SNTG1: variants seen among roughly 807,000 people sequenced by gnomAD.
SNTG1 encodes gamma-1-syntrophin.
A neutral mutation model predicts 74.7 loss-of-function variants in SNTG1; 39 were observed. The observed-to-expected ratio is 0.52, with a 90% CI of 0.40 to 0.68. SNTG1 has a LOEUF of 0.68. Among genes scored for constraint, SNTG1 ranks in the 30% least tolerant of loss-of-function variants. SNTG1 has a pLI of 0.00. For synonymous variants in SNTG1, 254 were observed against 217.1 expected (o/e 1.17, Z -1.49); for missense variants, 685 against 609.5 (o/e 1.12, Z -1.30).
chr8:50,104,491 G>A (rs373214511), intron 1 of SNTG1, among the ~76,000 whole-genome samples: 1 of 151,790 alleles, frequency 6.6e-6, no homozygotes, highest in African/African-American at 2.4e-5. Flanking sequence ...TATCAATTTT[G>A]TTGATCCTTT....
chr8:50,110,812 A>G (rs538157178), intron 1 of SNTG1, among the ~76,000 whole-genome samples: 1 of 152,062 alleles, frequency 6.6e-6, no homozygotes, highest in East Asian at 1.9e-4. Flanking sequence ...TCCAATTAAA[A>G]TTTTATGTAC....
At chr8:50,108,147 A>T (rs1404434475) in intron 1 of SNTG1, among the ~76,000 whole-genome samples, 2 of 152,174 alleles carry the variant, frequency 1.3e-5, no homozygotes, top group African/African-American at 4.8e-5. Context: ...CTCTCTTTAA[A>T]TAATTAGGCC....
chr8:49,967,347 T>C (rs925952963), intron 1 of SNTG1, among the ~76,000 whole-genome samples: 1 of 152,204 alleles, frequency 6.6e-6, no homozygotes, highest in Admixed American at 6.5e-5. Context: ...TTGTCACATG[T>C]GACACAGCCA....
chr8:50,322,662 A>T lies in SNTG1; in HGVS notation c.-27-71550A>T, dbSNP rs73579264. Among the ~76,000 whole-genome samples, 134 of 151,678 alleles carry T rather than the reference A, an allele frequency of 8.8e-4. 1 individual carries two copies. Among genetic ancestry groups the T allele is most frequent in the African/African-American group, 3.1e-3 (129 of 41,338 alleles). ...TTCTACTCCCTCCTTAATGGCAGTA[A>T]CTCTTAGACTTGCCCTTTTGGGGTT... On this transcript the variant is annotated intron_variant, in intron 2 of 18. Transcript: ENST00000642720.
At chr8:50,577,879 A>C (rs1563601614) in intron 12 of SNTG1, among the ~76,000 whole-genome samples, 1 of 152,238 alleles carries the variant, frequency 6.6e-6, no homozygotes, top group Non-Finnish European at 1.5e-5. Context: ...TAGTAAAAGA[A>C]GAATTAAGAA....
chr8:50,683,558 C>T (rs1409733439), intron 15 of SNTG1, among the ~76,000 whole-genome samples: 1 of 152,142 alleles, frequency 6.6e-6, no homozygotes, highest in Non-Finnish European at 1.5e-5. Context: ...GATACCATTT[C>T]CCACAAAGAT....
intron 1 of SNTG1, among the ~76,000 whole-genome samples, chr8:49,967,307 G>C (rs1028251235): frequency 8.5e-5 from 13 of 152,182 alleles, no homozygotes; most frequent in Admixed American, 7.2e-4. Context: ...TGTTCTCAGG[G>C]AGCTTACAGT....
chr8:50,733,403 T>C (rs1195110440), intron 17 of SNTG1, among the ~76,000 whole-genome samples: 1 of 152,090 alleles, frequency 6.6e-6, no homozygotes, highest in Non-Finnish European at 1.5e-5. Context: ...TGAATGAATG[T>C]ATCTTTTTGA....
At chr8:50,464,949 T>C (rs1221244146) in intron 8 of SNTG1, among the ~76,000 whole-genome samples, 31 of 80,484 alleles carry the variant, frequency 3.9e-4, no homozygotes, top group Non-Finnish European at 9.6e-4. Context: ...GTACATGCTG[T>C]TGGAAAAAAA....
At chr8:50,088,790 T>C (rs1361650880) in intron 1 of SNTG1, among the ~76,000 whole-genome samples, 2 of 148,774 alleles carry the variant, frequency 1.3e-5, no homozygotes, top group Non-Finnish European at 1.5e-5. Flanking sequence ...TCCATGCTCA[T>C]GGGTAGGAAG....
At chr8:50,173,944 G>A (rs2082899773) in intron 2 of SNTG1, among the ~76,000 whole-genome samples, 1 of 152,110 alleles carries the variant, frequency 6.6e-6, no homozygotes, top group South Asian at 2.1e-4. Flanking sequence ...TAGGTTTTAA[G>A]CCCTGCATGC....
chr8:50,212,260 T>C (rs1434957091), intron 2 of SNTG1, among the ~76,000 whole-genome samples: 3 of 152,188 alleles, frequency 2.0e-5, no homozygotes, highest in African/African-American at 7.2e-5. Flanking sequence ...TTCTTTCCTG[T>C]GTTCATCCAG....
chr8:49,932,823 T>C (rs1807718891), intron 1 of SNTG1, among the ~76,000 whole-genome samples: 1 of 152,156 alleles, frequency 6.6e-6, no homozygotes, highest in Non-Finnish European at 1.5e-5. Flanking sequence ...TTTCCATCCC[T>C]ATGGACTTTC....
intron 18 of SNTG1, among the ~76,000 whole-genome samples, chr8:50,754,735 T>A (rs2095576036): frequency 6.6e-6 from 1 of 151,858 alleles, no homozygotes; most frequent in Non-Finnish European, 1.5e-5. Context: ...CATTTTTAAT[T>A]TTTTTGAGAT....
chr8:50,206,736 TCC>T (rs1315653643), intron 2 of SNTG1, among the ~76,000 whole-genome samples: 1 of 152,168 alleles, frequency 6.6e-6, no homozygotes, highest in Non-Finnish European at 1.5e-5. Context: ...TTGAAATATG[TCC>T]CATCAATACC....
intron 1 of SNTG1, among the ~76,000 whole-genome samples, chr8:50,104,402 C>G (rs370053208): frequency 3.3e-5 from 5 of 151,978 alleles, no homozygotes; most frequent in African/African-American, 1.2e-4. Context: ...GGGATCGGTG[C>G]TGATATCCCC....
intron 2 of SNTG1, among the ~76,000 whole-genome samples, chr8:50,320,085 G>T (rs531873633): frequency 6.6e-6 from 1 of 152,284 alleles, no homozygotes; most frequent in African/African-American, 2.4e-5. Flanking sequence ...AGTAGGATTG[G>T]TGTTAGTCGT....
intron 8 of SNTG1, among the ~76,000 whole-genome samples, chr8:50,501,673 G>T (rs570400202): frequency 1.3e-5 from 2 of 150,492 alleles, no homozygotes; most frequent in African/African-American, 4.9e-5. Context: ...GGCTAGGCTG[G>T]TCTCGAACTC....
intron 2 of SNTG1, among the ~76,000 whole-genome samples, chr8:50,352,121 A>G (rs1378001663): frequency 6.6e-6 from 1 of 152,204 alleles, no homozygotes; most frequent in South Asian, 2.1e-4. Context: ...GACTTCAGTG[A>G]TCTTATTTCT....
Sources: allele counts gnomAD v4.1 joint callset (sites outside exome capture counted in the v4.1 genomes callset), GRCh38; gene constraint gnomAD v4.1.1; transcripts MANE v1.5; gene names NCBI Gene and HGNC (gene_info 2026-07-23, HGNC 2026-07-21).